The following RHBDL2 variants were observed in gnomAD, a reference collection of about 807,000 sequenced individuals.
RHBDL2 encodes the protein rhomboid-related protein 2.
RHBDL2 carries 26 observed loss-of-function variants against 31.7 expected under a neutral mutation model. The ratio of observed to expected loss-of-function variants is 0.82; its 90% CI spans 0.60 to 1.14. The LOEUF is 1.14. Among genes scored for constraint, RHBDL2 ranks in the 50% most tolerant of loss-of-function variants. The probability of loss-of-function intolerance (pLI) is 0.00; values close to 1 mark genes in which losing one functional copy is unlikely to be tolerated. For synonymous variants in RHBDL2, 123 were observed against 127.2 expected, an observed-to-expected ratio of 0.97 and a Z score of 0.22; for missense variants, 336 against 364.4, an observed-to-expected ratio of 0.92 and a Z score of 0.63.
chr1:38,934,672 A>AG (rs1164335543), intron 1 of RHBDL2, among the ~76,000 whole-genome samples: 2 of 150,190 alleles, frequency 1.3e-5, no homozygotes, highest in African/African-American at 4.9e-5. Context: ...AAAAAAAAAA[A>AG]AATGGCTGGG....
intron 3 of RHBDL2, among the ~76,000 whole-genome samples, chr1:38,914,651 A>G (rs1643204104): frequency 6.6e-6 from 1 of 152,144 alleles, no homozygotes; most frequent in African/African-American, 2.4e-5. Flanking sequence ...CAACTAGGGG[A>G]ACATGCTTTT....
Position 38,919,130 on chromosome 1 carries a change from T to C in RHBDL2, c.83A>G (p.Glu28Gly). 6.2e-7 allele frequency: 1 copy of C among 1,614,142 alleles called. No homozygotes were observed. The change falls in exon 2 of 8, where the codon GAG becomes GGG. Residue 28 changes from glutamate to glycine, a missense_variant. Coordinates refer to ENST00000372990, the MANE Select transcript of RHBDL2 (RefSeq NM_017821.5). ...REMKEELEEE[E>G]KMREDGGGKD... ...ACCTCCCCCATCCTCTCTCATTTTC[T>C]CCTCTTCCTCCAGCTCTTCTTTCAT...
At chr1:38,912,005 C>T (rs1308441785) in intron 3 of RHBDL2, among the ~76,000 whole-genome samples, 1 of 151,080 alleles carries the variant, frequency 6.6e-6, no homozygotes, top group African/African-American at 2.4e-5. Flanking sequence ...GAGTTTTGCT[C>T]TTGTTGCCCA....
chr1:38,939,845 G>A (rs774705356), intron 1 of RHBDL2, among the ~76,000 whole-genome samples: 8 of 152,042 alleles, frequency 5.3e-5, no homozygotes, highest in Non-Finnish European at 1.0e-4. Context: ...ACCGTGCCAG[G>A]ACTTCTTTTT....
At chr1:38,932,392 C>T (rs1643447990) in intron 1 of RHBDL2, among the ~76,000 whole-genome samples, 1 of 152,166 alleles carries the variant, frequency 6.6e-6, no homozygotes, top group African/African-American at 2.4e-5. Context: ...AGAAGAACTG[C>T]TCAGCTGAAC....
intron 1 of RHBDL2, among the ~76,000 whole-genome samples, chr1:38,934,393 A>G (rs1643469350): frequency 6.6e-6 from 1 of 151,836 alleles, no homozygotes; most frequent in Non-Finnish European, 1.5e-5. Context: ...AGGGTGGCTC[A>G]CACTTGTAAT....
intron 1 of RHBDL2, among the ~76,000 whole-genome samples, chr1:38,935,961 G>A (rs1490924384): frequency 1.3e-5 from 2 of 152,204 alleles, no homozygotes; most frequent in East Asian, 3.9e-4. Flanking sequence ...TGCCCAGGCT[G>A]GAGTGCAGTG....
chr1:38,931,373 T>C (rs1007273286), intron 1 of RHBDL2, among the ~76,000 whole-genome samples: 4 of 151,894 alleles, frequency 2.6e-5, no homozygotes, highest in Admixed American at 2.6e-4. Flanking sequence ...TACAAAAAAT[T>C]AGCTGGGCGT....
chr1:38,895,452 T>C (rs910075342), intron 5 of RHBDL2, among the ~76,000 whole-genome samples: 1 of 152,218 alleles, frequency 6.6e-6, no homozygotes, highest in African/African-American at 2.4e-5. Context: ...CTTTCTACTT[T>C]TTTATTTAAA....
chr1:38,923,763 G>C (rs999951694), intron 1 of RHBDL2, among the ~76,000 whole-genome samples: 1 of 152,126 alleles, frequency 6.6e-6, no homozygotes, highest in Non-Finnish European at 1.5e-5. Context: ...CATTCACTGG[G>C]TGGAGATTTA....
chr1:38,903,446 T>C (rs536805076), intron 4 of RHBDL2, among the ~76,000 whole-genome samples: 1 of 152,044 alleles, frequency 6.6e-6, no homozygotes, highest in Non-Finnish European at 1.5e-5. Flanking sequence ...GGCCGAGAAA[T>C]AGAAATTTTA....
chr1:38,936,154 C>T (rs768657295), intron 1 of RHBDL2, among the ~76,000 whole-genome samples: 5 of 152,136 alleles, frequency 3.3e-5, no homozygotes, highest in African/African-American at 9.7e-5. Flanking sequence ...CCTCTCACTT[C>T]GACCTTCCTA....
intron 1 of RHBDL2, among the ~76,000 whole-genome samples, chr1:38,933,016 G>T (rs771007034): frequency 2.0e-5 from 3 of 152,178 alleles, no homozygotes; most frequent in Non-Finnish European, 4.4e-5. Context: ...AAATCAGAGT[G>T]TATTAACTCT....
intron 1 of RHBDL2, among the ~76,000 whole-genome samples, chr1:38,932,485 G>C (rs1643448871): frequency 6.6e-6 from 1 of 152,078 alleles, no homozygotes; most frequent in South Asian, 2.1e-4. Flanking sequence ...TTTGAGACAA[G>C]GTCTGACTCT....
chr1:38,905,017 C>T (rs192506659), intron 4 of RHBDL2, among the ~76,000 whole-genome samples: 4,168 of 149,894 alleles, frequency 0.028, 82 homozygotes, highest in Non-Finnish European at 0.043. Flanking sequence ...GGCAACAGAG[C>T]GAGACTCCGT....
At chr1:38,896,692 C>T (rs576521092) in intron 4 of RHBDL2, among the ~76,000 whole-genome samples, 3 of 152,268 alleles carry the variant, frequency 2.0e-5, no homozygotes, top group South Asian at 2.1e-4. Context: ...TCTCAACATA[C>T]GATCCAATCA....
chr1:38,939,299 G>A (rs1409521223), intron 1 of RHBDL2, among the ~76,000 whole-genome samples: 1 of 151,916 alleles, frequency 6.6e-6, no homozygotes, highest in South Asian at 2.1e-4. Context: ...GGAGTGCAGC[G>A]GCCTGATCTC....
At chr1:38,896,262 A>T (rs746434224) in intron 4 of RHBDL2, among the ~76,000 whole-genome samples, 193 bp from the exon 5 acceptor site, 9 of 152,242 alleles carry the variant, frequency 5.9e-5, no homozygotes, top group South Asian at 2.1e-4. Flanking sequence ...GAAAACATGG[A>T]ATGTTCATTA....
At chr1:38,933,910 G>T (rs2124354872) in intron 1 of RHBDL2, among the ~76,000 whole-genome samples, 1 of 152,078 alleles carries the variant, frequency 6.6e-6, no homozygotes, top group South Asian at 2.1e-4. Context: ...TGTATTTTTA[G>T]TAGAGATGGG....
Sources: allele counts gnomAD v4.1 joint callset (sites outside exome capture counted in the v4.1 genomes callset), GRCh38; gene constraint gnomAD v4.1.1; transcripts MANE v1.5; gene names NCBI Gene and HGNC (gene_info 2026-07-23, HGNC 2026-07-21).